GCSAML: variants seen among roughly 807,000 people sequenced by gnomAD.
The protein encoded by GCSAML is germinal center-associated signaling and motility-like protein.
In GCSAML, 9 loss-of-function variants were observed where a neutral mutation model predicts 13.0. The ratio of observed to expected loss-of-function variants is 0.69; its 90% CI spans 0.42 to 1.21. The LOEUF (loss-of-function observed/expected upper bound fraction) is 1.21. Among genes scored for constraint, GCSAML ranks in the 50% most tolerant of loss-of-function variants. GCSAML has a pLI of 0.00. For synonymous variants in GCSAML, 37 were observed against 52.9 expected, an observed-to-expected ratio of 0.70 and a Z score of 1.31; for missense variants, 143 against 153.4, an observed-to-expected ratio of 0.93 and a Z score of 0.36.
At chr1:247,538,708 C>G in intron 2 of GCSAML, 1 of 455,862 alleles carries the variant, frequency 2.2e-6, no homozygotes, top group South Asian at 1.6e-5. Context: ...AGCAAGCAGG[C>G]AGATGGCTGC....
In GCSAML at chr1:247,536,916, T is replaced by C. The variant is rs372202068; in HGVS notation, c.-148+9862T>C. 6.6e-5 allele frequency among the ~76,000 whole-genome samples: 10 copies of C among 152,342 alleles called. No homozygotes were observed. The East Asian group carries it at 7.7e-4, about 12-fold the overall frequency. On this transcript the variant is annotated intron_variant, in intron 2 of 5. Transcript: ENST00000366489. ...ATTGGTGTATACATCAGTGATGAGA[T>C]AATGTTTTTCTTAATAAGTTAAATT...
intron 2 of GCSAML, among the ~76,000 whole-genome samples, chr1:247,543,314 A>G (rs1341756761): frequency 6.6e-6 from 1 of 152,348 alleles, no homozygotes; most frequent in East Asian, 1.9e-4. Context: ...TACTACAATA[A>G]GGTATTTTGA....
chr1:247,549,169 A>C lies in GCSAML; in HGVS notation c.-23A>C. On this transcript the variant is annotated 5_prime_UTR_variant, in exon 1 of 5. Coordinates refer to ENST00000366488, the MANE Select transcript of GCSAML (RefSeq NM_145278.5). ...CAAGTGGAGTGAAACTCAGGAGCTG[A>C]GAAACCGAGTCACTGTGAAAAGATG... 6.2e-7 allele frequency: 1 copy of C among 1,614,170 alleles called. No homozygotes were observed. Among genetic ancestry groups the C allele is most frequent in the Non-Finnish European group, 8.5e-7 (1 of 1,180,024 alleles).
upstream of GCSAML, among the ~76,000 whole-genome samples, chr1:247,548,438 C>A (rs1667653900): frequency 6.6e-6 from 1 of 152,220 alleles, no homozygotes; most frequent in Non-Finnish European, 1.5e-5. The surrounding 1 kb of genome is among the most constrained non-coding windows in gnomAD (Gnocchi z 5.3). Flanking sequence ...ACAACCAGAA[C>A]AATGGCTTCT....
chr1:247,545,963 G>GA (rs578058710), upstream of GCSAML, among the ~76,000 whole-genome samples: 9 of 151,450 alleles, frequency 5.9e-5, no homozygotes, highest in Non-Finnish European at 1.2e-4. Flanking sequence ...AAAGAAAAAA[G>GA]AAAAAATCAC....
chr1:247,553,344 G>C (rs1159984891), intron 1 of GCSAML, among the ~76,000 whole-genome samples: 2 of 151,782 alleles, frequency 1.3e-5, no homozygotes, highest in Admixed American at 1.3e-4. Flanking sequence ...GGTTTACATA[G>C]TTAATATATC....
exon 1 of GCSAML, chr1:247,507,199 T>TTAC (rs1665861112): frequency 6.6e-6 from 1 of 152,210 alleles, no homozygotes; most frequent in Non-Finnish European, 1.5e-5. Flanking sequence ...GGGCCTTATC[T>TTAC]TACATACATG....
chr1:247,563,341 T>A (rs1044625388), intron 2 of GCSAML, among the ~76,000 whole-genome samples: 2 of 152,238 alleles, frequency 1.3e-5, no homozygotes, highest in Non-Finnish European at 2.9e-5. Flanking sequence ...TAATAATATA[T>A]GTAGTCTGAT....
intron 1 of GCSAML, among the ~76,000 whole-genome samples, chr1:247,522,706 T>G (rs1020078022): frequency 2.6e-5 from 4 of 152,184 alleles, no homozygotes; most frequent in Admixed American, 6.5e-5. Flanking sequence ...AACAGATGCT[T>G]GAAGGCAGCA....
chr1:247,509,646 A>C (rs1665952998), intron 1 of GCSAML, among the ~76,000 whole-genome samples: 1 of 152,158 alleles, frequency 6.6e-6, no homozygotes, highest in Non-Finnish European at 1.5e-5. Context: ...GATTGTCATA[A>C]ATAGCTCTTA....
At chr1:247,536,930 A>G (rs1007378106) in intron 2 of GCSAML, among the ~76,000 whole-genome samples, 1 of 152,196 alleles carries the variant, frequency 6.6e-6, no homozygotes, top group South Asian at 2.1e-4. Context: ...GTTTTTCTTA[A>G]TAAGTTAAAT....
In GCSAML at chr1:247,526,888, G is replaced by GT. The variant is rs1356033121; in HGVS notation, c.-262-51dup. The GT allele has an allele frequency of 1.1e-5, 5 of 444,500 alleles. No homozygotes were observed. Among genetic ancestry groups the GT allele is most frequent in the African/African-American group, 1.0e-4 (5 of 49,468 alleles). The allele number at this position is 444,500 out of a possible 1,614,324, so 27.5% of individuals were successfully genotyped here. A position where few individuals can be genotyped will look rare whatever the true frequency, so the allele number is the denominator to read the frequency against. On this transcript the variant is annotated intron_variant, in intron 1 of 5. Transcript: ENST00000366489. The surrounding 1 kb of genome is among the most constrained non-coding windows in gnomAD (Gnocchi z 4.8). ...TTCATTTACTATAACTTAAATCCAA[G>GT]TAAGATGGGACTTCCCTCTATTTAG...
At chr1:247,519,871 T>TGTAGAGCTCTTTGA (rs1482126341) in intron 1 of GCSAML, among the ~76,000 whole-genome samples, 1 of 152,150 alleles carries the variant, frequency 6.6e-6, no homozygotes, top group Non-Finnish European at 1.5e-5. Context: ...TCAAAGAGTT[T>TGTAGAGCTCTTTGA]GTAGAGCAAG....
chr1:247,531,830 TCAA>T (rs1221692060), intron 2 of GCSAML: 16 of 1,614,064 alleles, frequency 9.9e-6, no homozygotes, highest in Non-Finnish European at 1.4e-5. Context: ...GACCTGATCT[TCAA>T]CACGGCCCGG....
intron 1 of GCSAML, among the ~76,000 whole-genome samples, chr1:247,516,971 A>G (rs1390953336): frequency 6.6e-6 from 1 of 152,212 alleles, no homozygotes; most frequent in Non-Finnish European, 1.5e-5. Context: ...TGCAGGTCAT[A>G]AGACATACTT....
intron 2 of GCSAML, among the ~76,000 whole-genome samples, chr1:247,533,273 C>G (rs1667082900): frequency 1.3e-5 from 2 of 152,060 alleles, no homozygotes; most frequent in Admixed American, 1.3e-4. Context: ...AAAATGATAC[C>G]CCACCATGAA....
chr1:247,537,109 T>C (rs1340140141), intron 2 of GCSAML, among the ~76,000 whole-genome samples: 1 of 152,218 alleles, frequency 6.6e-6, no homozygotes, highest in Non-Finnish European at 1.5e-5. Context: ...CCTGTAGCCA[T>C]CGAGCAGTCA....
At chr1:247,538,531 C>A in intron 2 of GCSAML, 1 of 322,712 alleles carries the variant, frequency 3.1e-6, no homozygotes, top group Admixed American at 4.2e-5. Context: ...GAGATAAGGC[C>A]CTTAAGGGGA....
At chr1:247,572,387 C>T (rs115085093) in intron 4 of GCSAML, among the ~76,000 whole-genome samples, 3,409 of 152,068 alleles carry the variant, frequency 0.022, 130 homozygotes, top group African/African-American at 0.078. Flanking sequence ...GGAGTTTTTG[C>T]GTGGTTGTCC....
Sources: gnomAD v4.1 joint callset for allele counts (sites outside exome capture counted in the v4.1 genomes callset) on GRCh38, gnomAD v4.1.1 for gene constraint, Gnocchi (gnomAD v3.1) non-coding constraint, MANE v1.5 for transcripts, NCBI Gene and HGNC (gene_info 2026-07-23, HGNC 2026-07-21) for gene names.